The following LHPP variants were observed in gnomAD, a reference collection of about 807,000 sequenced individuals.
The protein encoded by LHPP is hLHPP.
A neutral mutation model predicts 30.3 loss-of-function variants in LHPP; 24 were observed. That is an observed-to-expected ratio of 0.79 (90% CI 0.57 to 1.11). LHPP has a LOEUF of 1.11. Among genes scored for constraint, LHPP ranks in the 50% most tolerant of loss-of-function variants. LHPP has a pLI of 0.00. For synonymous variants in LHPP, 150 were observed against 157.1 expected (o/e 0.95, Z 0.34); for missense variants, 356 against 367.2 (o/e 0.97, Z 0.25).
intron 6 of LHPP, among the ~76,000 whole-genome samples, chr10:124,584,182 G>A (rs1948774249): frequency 6.9e-6 from 1 of 145,114 alleles, no homozygotes; most frequent in Admixed American, 6.9e-5. Flanking sequence ...TTTAGCTTGG[G>A]CAACATAGGG....
At chr10:124,609,771 C>A (rs548141889) in intron 6 of LHPP, among the ~76,000 whole-genome samples, 16 of 152,310 alleles carry the variant, frequency 1.1e-4, no homozygotes, top group Non-Finnish European at 1.9e-4. Flanking sequence ...TCGAGTCTGG[C>A]CTCAGTTGCT....
chr10:124,515,885 C>T (rs1396398650), intron 5 of LHPP, among the ~76,000 whole-genome samples: 1 of 152,230 alleles, frequency 6.6e-6, no homozygotes, highest in Non-Finnish European at 1.5e-5. Context: ...GGAGTTTCCT[C>T]CCTCACGTGT....
At chr10:124,470,104 T>C (rs926937527) in intron 1 of LHPP, among the ~76,000 whole-genome samples, 16 of 152,152 alleles carry the variant, frequency 1.1e-4, no homozygotes, top group African/African-American at 3.9e-4. Flanking sequence ...AGGCCCTTTA[T>C]TGAAGCCCTT....
At position 124,613,731 on chromosome 10, in the gene LHPP, A is replaced by C; in HGVS notation, c.*371A>C. 2 of 289,666 alleles carry C rather than the reference A, an allele frequency of 6.9e-6. No homozygotes were observed. Among genetic ancestry groups the C allele is most frequent in the Non-Finnish European group, 1.3e-5 (2 of 151,010 alleles). The allele number at this position is 289,666 out of a possible 1,614,324, so 17.9% of individuals were successfully genotyped here. ...CACCATGGGCCTTTAAATGCAGTAA[A>C]CTCCACCTAACCAGATTCAGGGGCA... On this transcript the variant is annotated 3_prime_UTR_variant, in exon 7 of 7. Coordinates refer to ENST00000368842, the MANE Select transcript of LHPP (RefSeq NM_022126.4).
chr10:124,532,643 C>T (rs998637682), intron 6 of LHPP, among the ~76,000 whole-genome samples: 1 of 152,248 alleles, frequency 6.6e-6, no homozygotes, highest in Admixed American at 6.5e-5. Context: ...CAACAATCCT[C>T]CCTATTGGGA....
intron 3 of LHPP, among the ~76,000 whole-genome samples, chr10:124,494,478 C>A (rs534119907): frequency 7.9e-5 from 12 of 152,336 alleles, no homozygotes; most frequent in African/African-American, 2.9e-4. Flanking sequence ...TCCGTCCTGG[C>A]TTACTTCCAC....
At chr10:124,545,679 TGTGA>T (rs1188471103) in intron 6 of LHPP, among the ~76,000 whole-genome samples, 1 of 152,048 alleles carries the variant, frequency 6.6e-6, no homozygotes, top group African/African-American at 2.4e-5. Flanking sequence ...TTAGTGCGAA[TGTGA>T]GTGTGTGTGC....
At chr10:124,552,308 C>T (rs570816721) in intron 6 of LHPP, among the ~76,000 whole-genome samples, 176 of 152,184 alleles carry the variant, frequency 1.2e-3, no homozygotes, top group African/African-American at 3.6e-3. Flanking sequence ...CAAGGTCATC[C>T]CAGCTGTAAG....
Position 124,576,848 on chromosome 10 carries a change from GC to G in LHPP, c.717-36413del, listed in dbSNP as rs11245302. Among the ~76,000 whole-genome samples, 13,611 of 152,036 alleles carry G rather than the reference GC, an allele frequency of 0.09. 728 individuals carry two copies. The highest frequency in any genetic ancestry group is 0.15 in the Admixed American group (2,258 of 15,296). ...GCCCACGATACCTCATCCAGCCCGG[GC>G]CCGTGGGTGGGCTGCTGAGCACCCG... On this transcript the variant is annotated intron_variant, in intron 6 of 6. Coordinates refer to ENST00000368842, the MANE Select transcript of LHPP (RefSeq NM_022126.4). The surrounding 1 kb of genome is among the most constrained non-coding windows in gnomAD (Gnocchi z 4.2).
chr10:124,538,433 G>GC (rs1176882614), intron 6 of LHPP, among the ~76,000 whole-genome samples: 1 of 152,190 alleles, frequency 6.6e-6, no homozygotes, highest in Non-Finnish European at 1.5e-5. Flanking sequence ...CATCTGTAGT[G>GC]CCCACTCCAG....
chr10:124,586,770 G>A (rs757776382), intron 6 of LHPP, among the ~76,000 whole-genome samples: 71 of 139,838 alleles, frequency 5.1e-4, no homozygotes, highest in Non-Finnish European at 7.2e-4. Context: ...TTTTAATTAC[G>A]CAAAAAAATT....
At chr10:124,607,906 C>T (rs1036506349) in intron 6 of LHPP, among the ~76,000 whole-genome samples, 59 of 152,270 alleles carry the variant, frequency 3.9e-4, no homozygotes, top group African/African-American at 1.3e-3. Context: ...GTGGCGGCTG[C>T]GAGCAGTGCT....
At chr10:124,550,593 T>C (rs1948143510) in intron 6 of LHPP, among the ~76,000 whole-genome samples, 1 of 152,212 alleles carries the variant, frequency 6.6e-6, no homozygotes, top group Non-Finnish European at 1.5e-5. Context: ...TGTGTTTATG[T>C]GCACAGGGCC....
Position 124,590,613 on chromosome 10 carries a change from T to C in LHPP, c.717-22651T>C, listed in dbSNP as rs116657951. Among the ~76,000 whole-genome samples the C allele has an allele frequency of 0.015, 2,332 of 152,278 alleles. 58 individuals carry two copies. Among genetic ancestry groups the C allele is most frequent in the African/African-American group, 0.053 (2,188 of 41,558 alleles). On this transcript the variant is annotated intron_variant, in intron 6 of 6. Coordinates refer to ENST00000368842, the MANE Select transcript of LHPP (RefSeq NM_022126.4). The surrounding 1 kb of genome is among the most constrained non-coding windows in gnomAD (Gnocchi z 4.3). ...GGTGAAGGGGACTGTGTTGGTCCTG[T>C]CTGCCCAGGACTCTCCCCACCCGCA...
At chr10:124,481,206 A>G (rs1364874842) in intron 1 of LHPP, among the ~76,000 whole-genome samples, 1 of 142,314 alleles carries the variant, frequency 7.0e-6, no homozygotes, top group African/African-American at 2.4e-5. Context: ...AGTGTTACAA[A>G]CAAAAACTGA....
chr10:124,501,197 T>C (rs939661606), intron 5 of LHPP, among the ~76,000 whole-genome samples: 1 of 151,874 alleles, frequency 6.6e-6, no homozygotes, highest in African/African-American at 2.4e-5. Flanking sequence ...ATGTCTAGAA[T>C]GGGCAAATCC....
At chr10:124,508,026 A>G (rs1028145973) in intron 5 of LHPP, among the ~76,000 whole-genome samples, 18 of 151,860 alleles carry the variant, frequency 1.2e-4, no homozygotes, top group Admixed American at 4.6e-4. Context: ...GCCTGGCCAT[A>G]TAAACTCAAA....
At chr10:124,594,752 T>C (rs1948921995) in intron 6 of LHPP, among the ~76,000 whole-genome samples, 1 of 152,036 alleles carries the variant, frequency 6.6e-6, no homozygotes, top group Non-Finnish European at 1.5e-5. Context: ...TGCCTCAGCC[T>C]CCTGAGTAGC....
At chr10:124,473,087 G>A (rs934260906) in intron 1 of LHPP, among the ~76,000 whole-genome samples, 1 of 152,182 alleles carries the variant, frequency 6.6e-6, no homozygotes, top group African/African-American at 2.4e-5. Context: ...ATCAAGGGCA[G>A]CCAGGGTGGG....
Sources: gnomAD v4.1 joint callset for allele counts (sites outside exome capture counted in the v4.1 genomes callset) on GRCh38, gnomAD v4.1.1 for gene constraint, Gnocchi (gnomAD v3.1) non-coding constraint, MANE v1.5 for transcripts, NCBI Gene and HGNC (gene_info 2026-07-23, HGNC 2026-07-21) for gene names.